ZPBP: variants seen among roughly 807,000 people sequenced by gnomAD.
ZPBP encodes the protein zona pellucida binding protein.
Under a neutral mutation model 44.8 loss-of-function variants are expected in ZPBP, and 26 were observed. That is an observed-to-expected ratio of 0.58 (90% CI 0.43 to 0.81). ZPBP has a LOEUF of 0.81. ZPBP is among the 30% of genes least tolerant of loss of function. The pLI, the probability that ZPBP is intolerant of heterozygous loss-of-function variation, is 0.00. For synonymous variants in ZPBP, 174 were observed against 153.2 expected (o/e 1.14, Z -1.00); for missense variants, 409 against 434.0 (o/e 0.94, Z 0.51).
intron 7 of ZPBP, among the ~76,000 whole-genome samples, chr7:49,955,903 T>C (rs1212172363): frequency 6.6e-6 from 1 of 152,176 alleles, no homozygotes; most frequent in Non-Finnish European, 1.5e-5. Context: ...CTTGAGGATA[T>C]ACATTATCAA....
intron 1 of ZPBP, among the ~76,000 whole-genome samples, chr7:49,901,944 GTTTT>G (rs963114900): frequency 7.0e-6 from 1 of 142,202 alleles, no homozygotes; most frequent in Non-Finnish European, 1.5e-5. Context: ...AACAATGATA[GTTTT>G]TTCAACGAAT....
intron 2 of ZPBP, among the ~76,000 whole-genome samples, chr7:49,882,251 TAGG>T (rs1199281012): frequency 1.3e-5 from 2 of 152,094 alleles, no homozygotes; most frequent in Non-Finnish European, 2.9e-5. Flanking sequence ...AGTTTTCAAT[TAGG>T]AGGAGGAAGA....
At chr7:50,065,458 T>C (rs377659997) in intron 3 of ZPBP, among the ~76,000 whole-genome samples, 2 of 151,030 alleles carry the variant, frequency 1.3e-5, no homozygotes, top group African/African-American at 4.9e-5. Flanking sequence ...TATAATATTG[T>C]TGCCTTGGGC....
chr7:49,939,611 T>C (rs1179818067), intron 7 of ZPBP, among the ~76,000 whole-genome samples: 1 of 152,100 alleles, frequency 6.6e-6, no homozygotes, highest in Non-Finnish European at 1.5e-5. Context: ...GAACTTTGGA[T>C]AGGAAATAAT....
chr7:50,031,022 A>C (rs1799581874), intron 5 of ZPBP, 70 bp downstream of exon 5: 1 of 1,318,586 alleles, frequency 7.6e-7, no homozygotes, highest in South Asian at 1.2e-5. Flanking sequence ...TGCTGTGAGT[A>C]ATTAACAACT....
At chr7:49,940,717 A>T (rs1794840479) in intron 7 of ZPBP, 1 of 982,460 alleles carries the variant, frequency 1.0e-6, no homozygotes, top group Non-Finnish European at 1.2e-6. Context: ...TTTACTCACC[A>T]CTGTCCCACC....
At chr7:50,076,975 A>C (rs988201882) in intron 3 of ZPBP, among the ~76,000 whole-genome samples, 1 of 143,212 alleles carries the variant, frequency 7.0e-6, no homozygotes, top group Non-Finnish European at 1.6e-5. Context: ...AACTGGAGGA[A>C]TCACATTATC....
intron 3 of ZPBP, among the ~76,000 whole-genome samples, chr7:50,079,728 G>A (rs1157349135): frequency 1.3e-5 from 2 of 151,596 alleles, no homozygotes; most frequent in Non-Finnish European, 3.0e-5. Flanking sequence ...CACACAAAAT[G>A]GCAACTATGT....
chr7:49,976,102 T>C (rs978895591), intron 7 of ZPBP, among the ~76,000 whole-genome samples: 3 of 152,248 alleles, frequency 2.0e-5, no homozygotes, highest in Non-Finnish European at 4.4e-5. Flanking sequence ...TGGTTGAAAC[T>C]GAAAACATTT....
intron 2 of ZPBP, among the ~76,000 whole-genome samples, chr7:49,869,391 G>A (rs1415992312): frequency 1.3e-5 from 2 of 151,890 alleles, no homozygotes; most frequent in African/African-American, 4.8e-5. Flanking sequence ...AGAAGGGGAG[G>A]AAGGACTATT....
intron 1 of ZPBP, chr7:49,916,944 T>C (rs369298182): frequency 6.6e-6 from 1 of 152,256 alleles, no homozygotes; most frequent in Non-Finnish European, 1.5e-5. Flanking sequence ...AAATTTTTGA[T>C]GCTGAAGAAA....
chr7:50,032,056 C>T (rs1157081498), intron 4 of ZPBP, among the ~76,000 whole-genome samples: 1 of 152,150 alleles, frequency 6.6e-6, no homozygotes, highest in Non-Finnish European at 1.5e-5. Flanking sequence ...GAAGTGCACC[C>T]AGCCATTGTT....
intron 4 of ZPBP, among the ~76,000 whole-genome samples, chr7:50,032,255 A>G (rs2128812435): frequency 6.6e-6 from 1 of 152,240 alleles, no homozygotes; most frequent in East Asian, 1.9e-4. Flanking sequence ...CACATTTATC[A>G]TGTATATATT....
At chr7:49,968,791 TTAA>T (rs1165145015) in intron 7 of ZPBP, among the ~76,000 whole-genome samples, 16 of 151,992 alleles carry the variant, frequency 1.1e-4, no homozygotes, top group Admixed American at 5.9e-4. Flanking sequence ...ATAATTACTG[TTAA>T]TAATAGCACA....
chr7:50,047,841 G>A (rs956552580), intron 4 of ZPBP, among the ~76,000 whole-genome samples: 4 of 152,136 alleles, frequency 2.6e-5, no homozygotes, highest in Non-Finnish European at 5.9e-5. Context: ...TAGGTCATTA[G>A]AAGATCTGAT....
chr7:49,850,070 A>G (rs978167202), downstream of ZPBP, among the ~76,000 whole-genome samples: 1 of 152,230 alleles, frequency 6.6e-6, no homozygotes. Flanking sequence ...GACTAAGCAC[A>G]GTACCACAAC....
At chr7:49,984,358 T>C (rs769953832) in intron 6 of ZPBP, among the ~76,000 whole-genome samples, 1 of 152,192 alleles carries the variant, frequency 6.6e-6, no homozygotes, top group Non-Finnish European at 1.5e-5. Context: ...AAATAATAAC[T>C]CTGTCTCACA....
At position 49,924,115 on chromosome 7, in the gene ZPBP, T is replaced by C. The variant is rs566711741; in HGVS notation, n.411+11636A>G. On this transcript the variant is annotated intron_variant and non_coding_transcript_variant, in intron 1 of 2. Coordinates refer to the ZPBP transcript ENST00000465922. ...TCCAGCCTAGGTGACAGAGCGAGAC[T>C]CTGTCTCAAATAATAATAATAAATA... 8.0e-5 allele frequency among the ~76,000 whole-genome samples: 12 copies of C among 150,332 alleles called. 1 individual carries two copies. In the South Asian group the frequency reaches 2.3e-3, roughly 29 times the overall value.
intron 2 of ZPBP, among the ~76,000 whole-genome samples, chr7:50,083,182 T>C (rs1199565355): frequency 1.3e-5 from 2 of 151,866 alleles, no homozygotes; most frequent in South Asian, 2.1e-4. Context: ...CAAATATAAA[T>C]GAATCCAGAA....
Sources: allele counts gnomAD v4.1 joint callset (sites outside exome capture counted in the v4.1 genomes callset), GRCh38; gene constraint gnomAD v4.1.1; transcripts MANE v1.5; gene names NCBI Gene and HGNC (gene_info 2026-07-23, HGNC 2026-07-21).